The following TCN1 variants were observed in gnomAD, a reference collection of about 807,000 sequenced individuals.
TCN1 encodes the protein transcobalamin 1.
In TCN1, 47 loss-of-function variants were observed where a neutral mutation model predicts 46.3. The ratio of observed to expected loss-of-function variants is 1.01; its 90% CI spans 0.80 to 1.29. The LOEUF (loss-of-function observed/expected upper bound fraction) is 1.29, where lower values mean the gene tolerates loss of function less well. TCN1 is among the 50% of genes most tolerant of loss of function. TCN1 has a pLI of 0.00. For missense variants in TCN1, 532 were observed against 511.0 expected (o/e 1.04, Z -0.40); for synonymous variants, 183 against 192.5 (o/e 0.95, Z 0.41).
At chr11:59,860,833 A>G (rs1031922833) in intron 4 of TCN1, among the ~76,000 whole-genome samples, 5 of 152,240 alleles carry the variant, frequency 3.3e-5, no homozygotes, top group African/African-American at 1.2e-4. Flanking sequence ...TGGGAAAAGA[A>G]GTCTGAGAAA....
chr11:59,864,296 G>A (rs1024801763), intron 1 of TCN1, among the ~76,000 whole-genome samples: 3 of 152,120 alleles, frequency 2.0e-5, no homozygotes, highest in African/African-American at 7.2e-5. Context: ...ACATGAAAAT[G>A]TTTTAATATT....
chr11:59,859,400 T>C, intron 4 of TCN1, 133 bp from the exon 5 acceptor site: 1 of 887,052 alleles, frequency 1.1e-6, no homozygotes, highest in South Asian at 1.4e-5. Flanking sequence ...TGGTTGGTCA[T>C]GCTAATTGGT....
At position 59,864,243 on chromosome 11, in the gene TCN1, C is replaced by T. The variant is rs58813818; in HGVS notation, c.80-157G>A. Reference sequence around the variant, plus strand: ...TTGGTGGAATAATACAAAGGTGGGTCTTGAACCCACCCCCATGCCAGACAT... The same window carrying T: ...TTGGTGGAATAATACAAAGGTGGGTTTTGAACCCACCCCCATGCCAGACAT... On this transcript the variant is annotated intron_variant, in intron 1 of 8. Transcript: ENST00000257264. 2.4e-3 allele frequency among the ~76,000 whole-genome samples: 365 copies of T among 152,270 alleles called. 4 individuals are homozygous for T. Among genetic ancestry groups the T allele is most frequent in the African/African-American group, 7.8e-3 (323 of 41,560 alleles).
In TCN1 at chr11:59,858,602, C is replaced by T. The variant is rs114022628; in HGVS notation, c.747+475G>A. On this transcript the variant is annotated intron_variant, in intron 5 of 8. Coordinates refer to ENST00000257264, the MANE Select transcript of TCN1 (RefSeq NM_001062.4). ...TACATGTCAGGGAGGGGAAGGGAAT[C>T]GTATGAGCAAAATCAAAGTTAGTAT... is the stretch of plus-strand genomic sequence containing the variant. Among the ~76,000 whole-genome samples, 196 of 152,128 alleles carry T rather than the reference C, an allele frequency of 1.3e-3. 1 individual carries two copies. Among genetic ancestry groups the T allele is most frequent in the African/African-American group, 4.5e-3 (188 of 41,492 alleles).
At chr11:59,854,963 C>A (rs771225088) in intron 6 of TCN1, 128 bp from the exon 7 acceptor site, 5 of 997,634 alleles carry the variant, frequency 5.0e-6, no homozygotes, top group South Asian at 4.1e-5. Context: ...CTATAAGGAG[C>A]AATTATCATC....
chr11:59,861,581 T>G lies in TCN1; in HGVS notation c.502A>C (p.Asn168His), dbSNP rs771922535. Reference protein sequence around the residue: ...NGNYSTAEVVNHFTPENKNYY... With the variant: ...NGNYSTAEVVHHFTPENKNYY... ...TTTTTATTTTCAGGAGTGAAGTGGT[T>G]GACAACTTCGGCGGTTGAGTAGTTC... The change falls in exon 4 of 9, where the codon AAC (asparagine) becomes CAC (histidine). Residue 168 changes from asparagine (N) to histidine (H), a missense_variant. Transcript: ENST00000257264. 7 of 1,614,142 alleles carry G rather than the reference T, an allele frequency of 4.3e-6. No individual in the cohort carries two copies. Among genetic ancestry groups the G allele is most frequent in the East Asian group, 4.5e-5 (2 of 44,880 alleles).
At chr11:59,860,599 T>C (rs1853006591) in intron 4 of TCN1, among the ~76,000 whole-genome samples, 2 of 152,192 alleles carry the variant, frequency 1.3e-5, no homozygotes, top group South Asian at 4.1e-4. Context: ...GGCTGAGGGA[T>C]TGAGAAAACC....
At position 59,854,779 on chromosome 11, in the gene TCN1, A is replaced by G; in HGVS notation, c.994T>C (p.Ser332Pro). The change falls in exon 7 of 9, where the codon TCA (serine) becomes CCA (proline). Residue 332 changes from serine (S) to proline (P), a missense_variant. Ser to Pro is a moderately conservative substitution (Grantham distance 74). Transcript: ENST00000257264. ...ACAGAGTAATTGACGGAGATATATGATTGTGAGTCAGGAGGTGTCACAGTT... is the reference window on the plus strand; with the variant it reads ...ACAGAGTAATTGACGGAGATATATGGTTGTGAGTCAGGAGGTGTCACAGTT... ...PITVTPPDSQ[S>P]YISVNYSVRI... 6.2e-7 allele frequency: 1 copy of G among 1,614,086 alleles called. No homozygotes were observed. The highest frequency in any genetic ancestry group is 8.5e-7 in the Non-Finnish European group (1 of 1,179,950).
intron 5 of TCN1, among the ~76,000 whole-genome samples, chr11:59,856,574 A>C (rs1315854999): frequency 6.6e-6 from 1 of 152,094 alleles, no homozygotes; most frequent in Middle Eastern, 3.2e-3. Context: ...CAAGAGGAAC[A>C]ACATGAACAA....
At chr11:59,863,706 A>G (rs1043360261) in intron 2 of TCN1, among the ~76,000 whole-genome samples, 1 of 152,186 alleles carries the variant, frequency 6.6e-6, no homozygotes, top group African/African-American at 2.4e-5. Flanking sequence ...GTGGTTTTTA[A>G]GACCAAAAGA....
intron 5 of TCN1, among the ~76,000 whole-genome samples, chr11:59,858,784 C>T (rs1311372103): frequency 1.3e-5 from 2 of 152,166 alleles, no homozygotes; most frequent in African/African-American, 4.8e-5. Context: ...GCCTGGCCAA[C>T]ATGGTGAAAC....
chr11:59,858,918 G>A lies in TCN1; in HGVS notation c.747+159C>T, dbSNP rs183571091. On this transcript the variant is annotated intron_variant, in intron 5 of 8. Coordinates refer to ENST00000257264, the MANE Select transcript of TCN1 (RefSeq NM_001062.4). ...CTCAGGAGGCTGAGGCAGGAGAATC[G>A]CTTGAACTCGGGAGGCGGAGGTCGC... Among the ~76,000 whole-genome samples the A allele has an allele frequency of 2.4e-3, 360 of 152,142 alleles. 4 individuals carry two copies. Among genetic ancestry groups the A allele is most frequent in the African/African-American group, 7.6e-3 (316 of 41,514 alleles).
At position 59,859,252 on chromosome 11, in the gene TCN1, G is replaced by T. The variant is rs758537918; in HGVS notation, c.572C>A (p.Ala191Asp). The change falls in exon 5 of 9, where the codon GCT becomes GAT. Residue 191 changes from alanine to aspartate, a missense_variant. Coordinates refer to ENST00000257264, the MANE Select transcript of TCN1 (RefSeq NM_001062.4). ...CTTCACACAGGTCAGAGCCAGGACAGCCATTGCACCAGTATCTGTCAGGAA... is the reference window on the plus strand; with the variant it reads ...CTTCACACAGGTCAGAGCCAGGACATCCATTGCACCAGTATCTGTCAGGAA... ...SQFSVDTGAMAVLALTCVKKS... is the reference protein window; with the variant it reads ...SQFSVDTGAMDVLALTCVKKS... The T allele has an allele frequency of 2.5e-6, 4 of 1,613,730 alleles. No homozygotes were observed. Among genetic ancestry groups the T allele is most frequent in the Admixed American group, 3.3e-5 (2 of 60,024 alleles).
At chr11:59,866,130 G>C (rs762207737) in intron 1 of TCN1, among the ~76,000 whole-genome samples, 7 of 152,246 alleles carry the variant, frequency 4.6e-5, no homozygotes, top group Middle Eastern at 3.4e-3. Context: ...GAGTTACTTG[G>C]TAGGGATGCT....
At chr11:59,863,824 G>T in intron 2 of TCN1, 83 bp downstream of exon 2, 1 of 1,482,892 alleles carries the variant, frequency 6.7e-7, no homozygotes, top group Non-Finnish European at 9.4e-7. Flanking sequence ...TACTTTGGAT[G>T]CATAATTTTT....
intron 1 of TCN1, among the ~76,000 whole-genome samples, chr11:59,864,666 T>C (rs1176279427): frequency 1.3e-5 from 2 of 152,152 alleles, no homozygotes; most frequent in African/African-American, 4.8e-5. Context: ...TAAAAAACTC[T>C]CCAGTTTTAG....
chr11:59,863,567 G>A (rs1210673709), intron 2 of TCN1, among the ~76,000 whole-genome samples: 1 of 152,030 alleles, frequency 6.6e-6, no homozygotes, highest in Admixed American at 6.6e-5. Context: ...TTGTTCCATG[G>A]TTGCCTTTCC....
chr11:59,864,495 G>A (rs527660696), intron 1 of TCN1, among the ~76,000 whole-genome samples: 45 of 152,220 alleles, frequency 3.0e-4, no homozygotes, highest in South Asian at 1.0e-3. Context: ...CTACTTCCTG[G>A]ATTCAGTTCT....
rs555253740 is a variant in TCN1 at position 59,853,450 on chromosome 11, C to G, written c.1122-129G>C. 145 of 876,782 alleles carry G rather than the reference C, an allele frequency of 1.7e-4. No individual in the cohort carries two copies. The African/African-American group carries it at 2.3e-3, about 14-fold the overall frequency. The allele number at this position is 876,782 out of a possible 1,614,324, so 54.3% of individuals were successfully genotyped here. On this transcript the variant is annotated intron_variant, in intron 7 of 8. Transcript: ENST00000257264. ...TTATAAAAATGCAGATTTCCTGGCC[C>G]TATCCATAGATATTTTTATTTTTAG... is the stretch of plus-strand genomic sequence containing the variant.
Sources: gnomAD v4.1 joint callset for allele counts (sites outside exome capture counted in the v4.1 genomes callset) on GRCh38, gnomAD v4.1.1 for gene constraint, MANE v1.5 for transcripts, NCBI Gene and HGNC (gene_info 2026-07-23, HGNC 2026-07-21) for gene names.